The following RIMS1 variants were observed in gnomAD, a reference collection of about 807,000 sequenced individuals.
RIMS1 encodes the protein regulating synaptic membrane exocytosis 1.
RIMS1 carries 83 observed loss-of-function variants against 214.1 expected under a neutral mutation model. The observed-to-expected ratio is 0.39, with a 90% CI of 0.32 to 0.47. The LOEUF (loss-of-function observed/expected upper bound fraction) is 0.47, where lower values mean the gene tolerates loss of function less well. Among genes scored for constraint, RIMS1 ranks in the 20% least tolerant of loss-of-function variants. The probability of loss-of-function intolerance (pLI) is 0.99; values close to 1 mark genes in which losing one functional copy is unlikely to be tolerated. For synonymous variants in RIMS1, 793 were observed against 786.8 expected (o/e 1.01, Z -0.13); for missense variants, 2,050 against 2,161.8 (o/e 0.95, Z 1.03).
At chr6:72,139,001 T>C (rs985699078) in intron 4 of RIMS1, among the ~76,000 whole-genome samples, 3 of 152,202 alleles carry the variant, frequency 2.0e-5, no homozygotes, top group Non-Finnish European at 2.9e-5. Flanking sequence ...TTATAATAAC[T>C]AAATTAAAAT....
intron 2 of RIMS1, among the ~76,000 whole-genome samples, chr6:72,003,640 G>C (rs1360021227): frequency 6.6e-6 from 1 of 151,916 alleles, no homozygotes; most frequent in Non-Finnish European, 1.5e-5. Context: ...CTGTGTGTCT[G>C]TGTGTGTGAT....
intron 17 of RIMS1, among the ~76,000 whole-genome samples, chr6:72,258,530 A>G (rs986401068): frequency 2.0e-5 from 3 of 152,220 alleles, no homozygotes; most frequent in South Asian, 4.1e-4. Flanking sequence ...ATTGTCTTGT[A>G]TTCTCTTTGC....
At chr6:72,140,190 A>G (rs535386434) in intron 4 of RIMS1, among the ~76,000 whole-genome samples, 82 of 152,224 alleles carry the variant, frequency 5.4e-4, no homozygotes, top group African/African-American at 1.9e-3. Flanking sequence ...TTTTATTTAA[A>G]AAAAATCACT....
At chr6:72,162,147 T>C (rs1201706549) in intron 4 of RIMS1, among the ~76,000 whole-genome samples, 3 of 141,136 alleles carry the variant, frequency 2.1e-5, no homozygotes. Context: ...TGTAATGGCC[T>C]TCTTTGTCTC....
chr6:71,897,006 G>A (rs1245651273), intron 1 of RIMS1, among the ~76,000 whole-genome samples: 1 of 152,124 alleles, frequency 6.6e-6, no homozygotes, highest in Admixed American at 6.6e-5. Flanking sequence ...CTCTACCTGA[G>A]TGTCCTATAG....
chr6:72,254,127 G>C (rs1044842024), intron 16 of RIMS1, among the ~76,000 whole-genome samples: 3 of 152,146 alleles, frequency 2.0e-5, no homozygotes, highest in South Asian at 2.1e-4. Flanking sequence ...GCCTCCCAAA[G>C]TGCTGGGATT....
intron 2 of RIMS1, among the ~76,000 whole-genome samples, chr6:71,985,405 A>C (rs1160453664): frequency 1.3e-5 from 2 of 152,084 alleles, no homozygotes; most frequent in Non-Finnish European, 2.9e-5. Flanking sequence ...AAATAAAATA[A>C]AATAGATAAA....
chr6:72,040,708 C>G (rs1266445843), intron 2 of RIMS1, among the ~76,000 whole-genome samples: 1 of 151,880 alleles, frequency 6.6e-6, no homozygotes, highest in Non-Finnish European at 1.5e-5. Flanking sequence ...AATGACTAAA[C>G]AAACTTGAAA....
intron 2 of RIMS1, among the ~76,000 whole-genome samples, chr6:72,039,339 A>T (rs529210865): frequency 1.3e-5 from 2 of 152,268 alleles, no homozygotes; most frequent in South Asian, 4.1e-4. Flanking sequence ...ATTTCTCTTA[A>T]TCTCACAAAT....
Position 72,183,130 on chromosome 6 carries a change from C to T in RIMS1, c.1659C>T (p.Ser553=). The stretch of plus-strand genomic sequence containing the variant: ...GCTGCGAGGACGTGGAGCTGGAGAG[C>T]GAGAGCGTCAGCGAGAAAGGTAAGG... ...YTSCEDVELE[S]ESVSEKGDLD... The change falls in exon 6 of 34, where the codon AGC becomes AGT. Residue 553 remains serine (S), a synonymous_variant. Coordinates refer to ENST00000521978, the MANE Select transcript of RIMS1 (RefSeq NM_014989.7). 2 of 1,591,688 alleles carry T rather than the reference C, an allele frequency of 1.3e-6. No individual in the cohort carries two copies. The highest frequency in any genetic ancestry group is 1.7e-6 in the Non-Finnish European group (2 of 1,170,376).
intron 2 of RIMS1, among the ~76,000 whole-genome samples, chr6:72,042,070 T>G (rs1821606020): frequency 1.3e-5 from 2 of 151,978 alleles, no homozygotes; most frequent in African/African-American, 4.8e-5. Context: ...TTCTTATAGT[T>G]AAATATTTCT....
chr6:72,187,484 T>TTTG (rs1429924015), intron 6 of RIMS1, among the ~76,000 whole-genome samples: 1 of 147,736 alleles, frequency 6.8e-6, no homozygotes, highest in Non-Finnish European at 1.5e-5. Flanking sequence ...TTTTTGTTTT[T>TTTG]TTTTTTTTTT....
chr6:72,400,858 A>C lies in RIMS1; in HGVS notation c.*144A>C, dbSNP rs902988648. On this transcript the variant is annotated 3_prime_UTR_variant, in exon 34 of 34. Transcript: ENST00000521978. ...AGTAGTTTTTCAATAATATGTCCCA[A>C]TTGTTATTTAAAACATGGCTTCATA... 6 of 633,566 alleles carry C rather than the reference A, an allele frequency of 9.5e-6. No homozygotes were observed. The highest frequency in any genetic ancestry group is 3.7e-5 in the African/African-American group (2 of 54,536). 39.2% of individuals were successfully genotyped at this position (633,566 alleles called of 1,614,324 possible).
intron 29 of RIMS1, among the ~76,000 whole-genome samples, chr6:72,337,693 A>T (rs2096890583): frequency 6.8e-6 from 1 of 147,460 alleles, no homozygotes; most frequent in Non-Finnish European, 1.5e-5. Flanking sequence ...GCACCCATTA[A>T]CTCGTCATTT....
At chr6:72,255,689 A>ATTTT (rs1159395022) in intron 16 of RIMS1, among the ~76,000 whole-genome samples, 25 of 152,168 alleles carry the variant, frequency 1.6e-4, no homozygotes, top group African/African-American at 5.5e-4. Flanking sequence ...AAATGAGAAA[A>ATTTT]AAATTCTCTA....
intron 1 of RIMS1, among the ~76,000 whole-genome samples, chr6:71,928,483 T>G (rs1782163222): frequency 6.6e-6 from 1 of 152,144 alleles, no homozygotes; most frequent in Non-Finnish European, 1.5e-5. Flanking sequence ...TTTATCTGAT[T>G]ATCCTATGGA....
At chr6:72,138,646 TTAAA>T (rs1405935374) in intron 4 of RIMS1, among the ~76,000 whole-genome samples, 2 of 152,040 alleles carry the variant, frequency 1.3e-5, no homozygotes, top group Non-Finnish European at 2.9e-5. Context: ...ATAGACACTC[TTAAA>T]TAAAAAATAA....
chr6:71,892,429 C>A (rs1770200640), intron 1 of RIMS1, among the ~76,000 whole-genome samples: 1 of 152,118 alleles, frequency 6.6e-6, no homozygotes, highest in African/African-American at 2.4e-5. Flanking sequence ...GTCCAGAGAA[C>A]AAAACTTAAA....
chr6:72,038,047 G>A (rs540600075), intron 2 of RIMS1, among the ~76,000 whole-genome samples: 25 of 132,828 alleles, frequency 1.9e-4, no homozygotes, highest in African/African-American at 7.1e-4. Context: ...TTGGAGGTAT[G>A]GGGAGAATCA....
Sources: allele counts gnomAD v4.1 joint callset (sites outside exome capture counted in the v4.1 genomes callset), GRCh38; gene constraint gnomAD v4.1.1; transcripts MANE v1.5; gene names NCBI Gene and HGNC (gene_info 2026-07-23, HGNC 2026-07-21).